The following PLPP4 variants were observed in gnomAD, a reference collection of about 807,000 sequenced individuals.
PLPP4 encodes phospholipid phosphatase 4.
In PLPP4, 20 loss-of-function variants were observed where a neutral mutation model predicts 32.2. The observed-to-expected ratio is 0.62, with a 90% confidence interval of 0.44 to 0.90. The LOEUF (loss-of-function observed/expected upper bound fraction) is 0.90. PLPP4 is among the 40% of genes least tolerant of loss of function. The probability of loss-of-function intolerance (pLI) is 0.00; values close to 1 mark genes in which losing one functional copy is unlikely to be tolerated. For missense variants in PLPP4, 257 were observed against 353.1 expected, an observed-to-expected ratio of 0.73 and a Z score of 2.18; for synonymous variants, 127 against 133.0, an observed-to-expected ratio of 0.95 and a Z score of 0.31.
intron 1 of PLPP4, among the ~76,000 whole-genome samples, chr10:120,477,763 G>C (rs1273691213): frequency 6.6e-6 from 1 of 152,144 alleles, no homozygotes; most frequent in African/African-American, 2.4e-5. Context: ...ATATATGCCT[G>C]GCACATAGTA....
chr10:120,574,168 A>ACACACACACTCTCT (rs1849090021), intron 5 of PLPP4, among the ~76,000 whole-genome samples: 3 of 47,120 alleles, frequency 6.4e-5, no homozygotes, highest in African/African-American at 8.6e-5. Flanking sequence ...ACACACACAC[A>ACACACACACTCTCT]CTCTCTCTCT....
chr10:120,471,800 C>T (rs190491062), intron 1 of PLPP4, among the ~76,000 whole-genome samples: 1 of 151,844 alleles, frequency 6.6e-6, no homozygotes, highest in Non-Finnish European at 1.5e-5. Flanking sequence ...TGCATGTGTT[C>T]TTTGTCTCTC....
chr10:120,503,708 C>G lies in PLPP4; in HGVS notation c.57-110C>G, dbSNP rs1160847771. 1.9e-6 allele frequency: 3 copies of G among 1,590,820 alleles called. No homozygotes were observed. The East Asian group carries it at 6.9e-5, about 36-fold the overall frequency. ...GCAGGGCCTGTCTCTTTCCCCTTCC[C>G]CAGCAGGCTGGATTCCCACCCTGAG... On this transcript the variant is annotated intron_variant, in intron 1 of 6. Coordinates refer to ENST00000398250, the MANE Select transcript of PLPP4 (RefSeq NM_001030059.3).
intron 5 of PLPP4, among the ~76,000 whole-genome samples, chr10:120,543,177 A>T (rs1488011195): frequency 6.6e-6 from 1 of 152,162 alleles, no homozygotes; most frequent in African/African-American, 2.4e-5. Context: ...ATCACAGGGG[A>T]TAGAGCCGGG....
chr10:120,561,028 A>G (rs961761787), intron 5 of PLPP4, among the ~76,000 whole-genome samples: 3 of 152,150 alleles, frequency 2.0e-5, no homozygotes, highest in Non-Finnish European at 4.4e-5. Flanking sequence ...CCAACCTCCA[A>G]GTTTTCATTT....
intron 5 of PLPP4, 104 bp from the exon 6 acceptor site, chr10:120,575,027 T>A: frequency 8.2e-7 from 1 of 1,222,730 alleles, no homozygotes; most frequent in Non-Finnish European, 1.2e-6. Context: ...CAACATGGCC[T>A]TGGCCTTGGG....
Position 120,586,193 on chromosome 10 carries a change from G to A in PLPP4, c.617-3110G>A, listed in dbSNP as rs546337195. On this transcript the variant is annotated intron_variant, in intron 6 of 6. Coordinates refer to ENST00000398250, the MANE Select transcript of PLPP4 (RefSeq NM_001030059.3). ...TCTGTTGCCTGGGCTGGAGCGCAGT[G>A]GTACGATCTTGGCTCACTGCAACCT... Among the ~76,000 whole-genome samples the A allele has an allele frequency of 5.9e-4, 89 of 150,022 alleles. 1 individual carries two copies. The highest frequency in any genetic ancestry group is 2.1e-3 in the African/African-American group (85 of 40,736).
intron 5 of PLPP4, among the ~76,000 whole-genome samples, chr10:120,522,708 G>C (rs964983885): frequency 1.3e-5 from 2 of 152,136 alleles, no homozygotes; most frequent in Non-Finnish European, 2.9e-5. Flanking sequence ...AAAGTGTCTT[G>C]GTTGATAATA....
At chr10:120,574,349 G>A (rs12247332) in intron 5 of PLPP4, among the ~76,000 whole-genome samples, 2 of 151,550 alleles carry the variant, frequency 1.3e-5, no homozygotes, top group East Asian at 1.9e-4. Flanking sequence ...TGTTGTAAGC[G>A]CTTCCCAACT....
intron 5 of PLPP4, among the ~76,000 whole-genome samples, chr10:120,573,115 C>T (rs1418287298): frequency 6.6e-6 from 1 of 152,154 alleles, no homozygotes; most frequent in African/African-American, 2.4e-5. Flanking sequence ...TTTTCTGACT[C>T]TAGCCATAGA....
intron 5 of PLPP4, among the ~76,000 whole-genome samples, chr10:120,564,855 A>T (rs537688695): frequency 7.0e-4 from 106 of 152,196 alleles, no homozygotes; most frequent in Admixed American, 1.6e-3. Context: ...TATTTAAAAA[A>T]TTTTTAAATA....
At chr10:120,545,738 G>T (rs972029878) in intron 5 of PLPP4, among the ~76,000 whole-genome samples, 1 of 152,158 alleles carries the variant, frequency 6.6e-6, no homozygotes, top group African/African-American at 2.4e-5. Context: ...ATCTATAATG[G>T]TTAATATTGA....
intron 5 of PLPP4, among the ~76,000 whole-genome samples, chr10:120,531,895 C>CACAT (rs3066602): frequency 0.068 from 9,472 of 140,252 alleles, 335 homozygotes; most frequent in African/African-American, 0.1. Flanking sequence ...CACACACACA[C>CACAT]ATATATATAT....
At chr10:120,586,398 T>C (rs1275026941) in intron 6 of PLPP4, among the ~76,000 whole-genome samples, 1 of 151,830 alleles carries the variant, frequency 6.6e-6, no homozygotes, top group Non-Finnish European at 1.5e-5. Flanking sequence ...CCCTCCTTGG[T>C]CTCACAAAGT....
At position 120,517,255 on chromosome 10, in the gene PLPP4, A is replaced by T. The variant is rs774375570; in HGVS notation, c.257-1578A>T. On this transcript the variant is annotated intron_variant, in intron 3 of 6. Coordinates refer to ENST00000398250, the MANE Select transcript of PLPP4 (RefSeq NM_001030059.3). ...GGGAAAACACAGCCGTGAGCGTGGC[A>T]GGCCAGCCCTAACAGAGAAAAGACC... Among the ~76,000 whole-genome samples, 70 of 152,226 alleles carry T rather than the reference A, an allele frequency of 4.6e-4. 1 individual carries two copies. Among genetic ancestry groups the T allele is most frequent in the Non-Finnish European group, 5.9e-5 (4 of 68,044 alleles).
At chr10:120,481,472 T>C (rs983518196) in intron 1 of PLPP4, among the ~76,000 whole-genome samples, 3 of 152,188 alleles carry the variant, frequency 2.0e-5, no homozygotes, top group Non-Finnish European at 4.4e-5. Flanking sequence ...TCACTGCAAA[T>C]GTTGAATTGT....
intron 1 of PLPP4, among the ~76,000 whole-genome samples, chr10:120,484,372 C>T (rs1237272962): frequency 6.6e-6 from 1 of 152,100 alleles, no homozygotes; most frequent in Admixed American, 6.6e-5. Flanking sequence ...TCATAATAAA[C>T]AGAAATGTAT....
intron 1 of PLPP4, 26 bp from the exon 2 acceptor site, chr10:120,503,792 C>A: frequency 6.2e-7 from 1 of 1,600,980 alleles, no homozygotes; most frequent in Non-Finnish European, 8.6e-7. Context: ...GCTCAACCTT[C>A]ATGTACTTTT....
At chr10:120,528,570 G>C (rs1398853475) in intron 5 of PLPP4, among the ~76,000 whole-genome samples, 1 of 151,838 alleles carries the variant, frequency 6.6e-6, no homozygotes, top group Non-Finnish European at 1.5e-5. Context: ...TCCCCTCATG[G>C]TTTTTTCCCT....
Sources: allele counts gnomAD v4.1 joint callset (sites outside exome capture counted in the v4.1 genomes callset), GRCh38; gene constraint gnomAD v4.1.1; transcripts MANE v1.5; gene names NCBI Gene and HGNC (gene_info 2026-07-23, HGNC 2026-07-21).